Variants in TMEM132C observed in about 807,000 individuals in gnomAD.
TMEM132C encodes protein phosphatase 1, regulatory subunit 152.
A neutral mutation model predicts 61.4 loss-of-function variants in TMEM132C; 29 were observed. The ratio of observed to expected loss-of-function variants is 0.47; its 90% confidence interval spans 0.35 to 0.64. TMEM132C has a LOEUF of 0.64. TMEM132C is among the 30% of genes least tolerant of loss of function. The pLI is 0.00. For synonymous variants in TMEM132C, 656 were observed against 633.1 expected (o/e 1.04, Z -0.54); for missense variants, 1,408 against 1,476.9 (o/e 0.95, Z 0.76).
In TMEM132C at chr12:128,568,229, A is replaced by G. The variant is rs77315951; in HGVS notation, c.1121+24126A>G. On this transcript the variant is annotated intron_variant, in intron 3 of 8. Transcript: ENST00000435159. ...AGCAGTTCTCTCTTACTTACAGACC[A>G]AACGCTTTTCATGGTGCCCCTTAAT... is the stretch of plus-strand genomic sequence containing the variant. Among the ~76,000 whole-genome samples the G allele has an allele frequency of 1.1e-3, 166 of 152,320 alleles. 3 individuals are homozygous for G. In the East Asian group the frequency reaches 0.011, roughly 10 times the overall value.
rs183834985 is a variant in TMEM132C, at chr12:128,556,582, T to G, written c.1121+12479T>G. 8.6e-3 allele frequency among the ~76,000 whole-genome samples: 1,315 copies of G among 152,278 alleles called. 12 individuals carry two copies. Among genetic ancestry groups the G allele is most frequent in the Non-Finnish European group, 0.014 (960 of 68,002 alleles). ...ACCTCTCTACTCTCCCATGAACAGG[T>G]GGCAACTTTGTCTTCTCCCCTTGAA... On this transcript the variant is annotated intron_variant, in intron 3 of 8. Coordinates refer to ENST00000435159, the MANE Select transcript of TMEM132C (RefSeq NM_001136103.3).
intron 1 of TMEM132C, among the ~76,000 whole-genome samples, chr12:128,277,510 G>A (rs1022898812): frequency 1.3e-5 from 2 of 152,284 alleles, no homozygotes; most frequent in East Asian, 1.9e-4. Context: ...CACTTACTGC[G>A]GACTTAAGGG....
intron 3 of TMEM132C, among the ~76,000 whole-genome samples, chr12:128,599,962 G>C (rs1326795094): frequency 1.3e-5 from 2 of 152,084 alleles, no homozygotes; most frequent in Non-Finnish European, 2.9e-5. Flanking sequence ...CACAAGACCT[G>C]ATGGTTTTTT....
At chr12:128,453,245 G>T (rs1308220576) in intron 2 of TMEM132C, among the ~76,000 whole-genome samples, 2 of 152,162 alleles carry the variant, frequency 1.3e-5, no homozygotes, top group Admixed American at 1.3e-4. Flanking sequence ...TGATTCTCTG[G>T]GTTGGCCAGG....
chr12:128,315,116 A>C (rs1872108266), intron 1 of TMEM132C, among the ~76,000 whole-genome samples: 1 of 152,218 alleles, frequency 6.6e-6, no homozygotes, highest in Non-Finnish European at 1.5e-5. Flanking sequence ...ATGAGGAGGC[A>C]TCTGATCAGG....
chr12:128,295,105 C>T (rs2135912768), intron 1 of TMEM132C, among the ~76,000 whole-genome samples: 1 of 151,398 alleles, frequency 6.6e-6, no homozygotes, highest in Admixed American at 6.6e-5. Context: ...GTTTTGTATA[C>T]AAATAGATGC....
intron 4 of TMEM132C, among the ~76,000 whole-genome samples, chr12:128,617,934 G>A (rs1050769924): frequency 2.0e-5 from 3 of 152,180 alleles, no homozygotes; most frequent in South Asian, 2.1e-4. Flanking sequence ...CAAGCCATGG[G>A]CCACATCCAA....
chr12:128,644,583 G>A (rs1159180632), intron 4 of TMEM132C, among the ~76,000 whole-genome samples: 2 of 152,212 alleles, frequency 1.3e-5, no homozygotes, highest in African/African-American at 4.8e-5. Flanking sequence ...ATCAGTGATC[G>A]CTGGGGGCTG....
chr12:128,325,300 T>C (rs1872469666), intron 1 of TMEM132C, among the ~76,000 whole-genome samples: 1 of 152,158 alleles, frequency 6.6e-6, no homozygotes, highest in Non-Finnish European at 1.5e-5. Context: ...AAGGAAAACA[T>C]TAGTGACTGT....
chr12:128,383,717 C>T (rs778084381), intron 1 of TMEM132C, among the ~76,000 whole-genome samples: 48 of 152,064 alleles, frequency 3.2e-4, no homozygotes, highest in Non-Finnish European at 5.9e-5. Flanking sequence ...TTTTTCCAGG[C>T]GAGTACTTTC....
At chr12:128,268,192 C>A (rs755907516) in intron 1 of TMEM132C, among the ~76,000 whole-genome samples, 1 of 152,242 alleles carries the variant, frequency 6.6e-6, no homozygotes, top group East Asian at 1.9e-4. Flanking sequence ...TCCGGGGCTC[C>A]TTCACCTCAG....
chr12:128,296,507 A>G (rs1325172305), intron 1 of TMEM132C, among the ~76,000 whole-genome samples: 1 of 152,244 alleles, frequency 6.6e-6, no homozygotes, highest in African/African-American at 2.4e-5. Flanking sequence ...CCAGCTTTAC[A>G]GAGGCTTCTC....
chr12:128,611,155 T>G (rs1876619487), intron 3 of TMEM132C, among the ~76,000 whole-genome samples: 1 of 152,158 alleles, frequency 6.6e-6, no homozygotes, highest in Admixed American at 6.6e-5. Context: ...GGCAGAGTTG[T>G]TCGGTCATCC....
chr12:128,560,007 G>A (rs1241425697), intron 3 of TMEM132C, among the ~76,000 whole-genome samples: 1 of 152,166 alleles, frequency 6.6e-6, no homozygotes, highest in African/African-American at 2.4e-5. Context: ...CAGCACTTTG[G>A]GAGGCTGAGG....
At chr12:128,672,678 A>G (rs1386119922) in intron 5 of TMEM132C, among the ~76,000 whole-genome samples, 1 of 152,240 alleles carries the variant, frequency 6.6e-6, no homozygotes, top group Admixed American at 6.5e-5. Context: ...AGCACAGTCC[A>G]TAGGACCCAG....
intron 1 of TMEM132C, among the ~76,000 whole-genome samples, chr12:128,311,807 G>A (rs774438693): frequency 1.3e-5 from 2 of 152,166 alleles, no homozygotes; most frequent in Non-Finnish European, 2.9e-5. Flanking sequence ...TCTTCCCCAC[G>A]TCCACTGTCC....
At chr12:128,685,255 A>G (rs1055958810) in intron 5 of TMEM132C, among the ~76,000 whole-genome samples, 2 of 152,262 alleles carry the variant, frequency 1.3e-5, no homozygotes, top group African/African-American at 4.8e-5. Context: ...AGTCAGGATC[A>G]TCCACATCCC....
chr12:128,327,365 TG>T (rs1872554890), intron 1 of TMEM132C, among the ~76,000 whole-genome samples: 1 of 103,706 alleles, frequency 9.6e-6, no homozygotes, highest in East Asian at 2.3e-4. Flanking sequence ...CAGCTTGGTT[TG>T]TTTGTTTGTT....
chr12:128,627,588 T>C (rs1320344846), intron 4 of TMEM132C, among the ~76,000 whole-genome samples: 1 of 152,126 alleles, frequency 6.6e-6, no homozygotes, highest in Non-Finnish European at 1.5e-5. Context: ...GCAACGAGCA[T>C]AACAGACATA....
Sources: allele counts gnomAD v4.1 joint callset (sites outside exome capture counted in the v4.1 genomes callset), GRCh38; gene constraint gnomAD v4.1.1; transcripts MANE v1.5; gene names NCBI Gene and HGNC (gene_info 2026-07-23, HGNC 2026-07-21).